Variants in ANKRD55 observed in about 807,000 individuals in gnomAD.
The protein encoded by ANKRD55 is ankyrin repeat domain 55, also known as ankyrin repeat domain-containing protein 55.
ANKRD55 carries 41 observed loss-of-function variants against 60.6 expected under a neutral mutation model. The ratio of observed to expected loss-of-function variants is 0.68; its 90% CI spans 0.53 to 0.88. The LOEUF (loss-of-function observed/expected upper bound fraction) is 0.88. Ranked by LOEUF, ANKRD55 falls within the 40% of genes least tolerant of loss-of-function variation. The pLI, the probability that ANKRD55 is intolerant of heterozygous loss-of-function variation, is 0.00. For missense variants in ANKRD55, 732 were observed against 767.6 expected, an observed-to-expected ratio of 0.95 and a Z score of 0.55; for synonymous variants, 264 against 290.3, an observed-to-expected ratio of 0.91 and a Z score of 0.92.
intron 8 of ANKRD55, among the ~76,000 whole-genome samples, chr5:56,121,655 G>A (rs2111705424): frequency 6.6e-6 from 1 of 151,996 alleles, no homozygotes; most frequent in South Asian, 2.1e-4. Flanking sequence ...ACAGGAGTGA[G>A]CCACCACACC....
intron 2 of ANKRD55, among the ~76,000 whole-genome samples, chr5:56,201,652 G>A (rs549890405): frequency 6.6e-6 from 1 of 152,272 alleles, no homozygotes; most frequent in East Asian, 1.9e-4. Context: ...GCTGTTCTGA[G>A]AGCTAAATGA....
intron 6 of ANKRD55, among the ~76,000 whole-genome samples, chr5:56,153,231 A>G (rs1758099262): frequency 6.6e-6 from 1 of 151,764 alleles, no homozygotes. Context: ...AAATCCAGCA[A>G]CAACTGGGAA....
chr5:56,147,638 C>A lies in ANKRD55; in HGVS notation c.484-3709G>T, dbSNP rs576029201. On this transcript the variant is annotated intron_variant, in intron 6 of 11. Transcript: ENST00000341048. ...TGGCTCCAAATCAAGACCCAAATTA[C>A]TTCATTACTTTTCTAAATACTTGTG... 4.6e-5 allele frequency among the ~76,000 whole-genome samples: 7 copies of A among 150,836 alleles called. 1 individual carries two copies. The South Asian group carries it at 1.4e-3, about 31-fold the overall frequency.
At chr5:56,209,744 C>T (rs1224901757) in intron 2 of ANKRD55, among the ~76,000 whole-genome samples, 3 of 152,236 alleles carry the variant, frequency 2.0e-5, no homozygotes, top group African/African-American at 4.8e-5. Context: ...GGATTACAGG[C>T]GTGAGCCACC....
chr5:56,108,881 C>T lies in ANKRD55; in HGVS notation c.1630+2237G>A, dbSNP rs189902790. ...GTGAAACCCCGTCTCCACTAAAAAT[C>T]CAAAAATTAGTCAGGCGTGGTGGCA... is the stretch of plus-strand genomic sequence containing the variant. On this transcript the variant is annotated intron_variant, in intron 10 of 11. Coordinates refer to ENST00000341048, the MANE Select transcript of ANKRD55 (RefSeq NM_024669.3). 2.4e-3 allele frequency among the ~76,000 whole-genome samples: 362 copies of T among 152,166 alleles called. 3 individuals carry two copies. Among genetic ancestry groups the T allele is most frequent in the African/African-American group, 8.1e-3 (337 of 41,520 alleles).
intron 6 of ANKRD55, among the ~76,000 whole-genome samples, chr5:56,152,303 G>A (rs1443607353): frequency 6.6e-6 from 1 of 151,508 alleles, no homozygotes; most frequent in Admixed American, 6.6e-5. Flanking sequence ...ATGTCCAAAA[G>A]GTCACATCTG....
chr5:56,191,686 G>A lies in ANKRD55; in HGVS notation c.59-8052C>T, dbSNP rs139031946. On this transcript the variant is annotated intron_variant, in intron 2 of 11. Coordinates refer to ENST00000341048, the MANE Select transcript of ANKRD55 (RefSeq NM_024669.3). The stretch of plus-strand genomic sequence containing the variant: ...TCTTGGCTAGATGACCACCAAACCT[G>A]TTTAGAAGGAATTTAGACATAAAGT... Among the ~76,000 whole-genome samples, 963 of 152,234 alleles carry A rather than the reference G, an allele frequency of 6.3e-3. 13 individuals carry two copies. The highest frequency in any genetic ancestry group is 0.041 in the Middle Eastern group (12 of 294).
chr5:56,185,775 T>G (rs1029513335), intron 2 of ANKRD55, among the ~76,000 whole-genome samples: 3 of 152,230 alleles, frequency 2.0e-5, no homozygotes, highest in African/African-American at 7.2e-5. Flanking sequence ...TTCGAATTGA[T>G]CTTTCGTTGG....
intron 7 of ANKRD55, chr5:56,127,632 G>C: frequency 1.1e-6 from 1 of 927,712 alleles, no homozygotes; most frequent in Non-Finnish European, 1.3e-6. Context: ...TTGTCCCAGG[G>C]AGCCTGGGAA....
chr5:56,108,894 A>G (rs986734484), intron 10 of ANKRD55, among the ~76,000 whole-genome samples: 7 of 152,128 alleles, frequency 4.6e-5, no homozygotes, highest in Admixed American at 4.6e-4. Context: ...AAAATTAGTC[A>G]GGCGTGGTGG....
At chr5:56,120,748 C>T (rs1468877405) in intron 8 of ANKRD55, among the ~76,000 whole-genome samples, 2 of 151,742 alleles carry the variant, frequency 1.3e-5, no homozygotes, top group South Asian at 2.1e-4. Flanking sequence ...AAATACAAAA[C>T]ATTAGCTGGG....
intron 6 of ANKRD55, among the ~76,000 whole-genome samples, chr5:56,151,916 C>T (rs561184871): frequency 9.4e-5 from 13 of 137,798 alleles, no homozygotes; most frequent in Admixed American, 7.4e-4. Flanking sequence ...TGTATATACA[C>T]ATATATGTAT....
chr5:56,153,416 C>T (rs1758104307), intron 6 of ANKRD55, among the ~76,000 whole-genome samples: 2 of 152,232 alleles, frequency 1.3e-5, no homozygotes, highest in Admixed American at 1.3e-4. Context: ...GAGGCTTGTA[C>T]AAGAAACACT....
chr5:56,107,714 ACTTC>A (rs754916176), intron 10 of ANKRD55, among the ~76,000 whole-genome samples: 3 of 151,908 alleles, frequency 2.0e-5, no homozygotes, highest in Non-Finnish European at 4.4e-5. Context: ...CCCCCTCTCT[ACTTC>A]CTTCCTCCTG....
At chr5:56,187,534 C>T (rs1052818571) in intron 2 of ANKRD55, among the ~76,000 whole-genome samples, 5 of 152,142 alleles carry the variant, frequency 3.3e-5, no homozygotes, top group African/African-American at 1.2e-4. Flanking sequence ...GCTGAGCTTT[C>T]GCTCACTGTC....
At chr5:56,155,082 A>G (rs1298473830) in intron 6 of ANKRD55, among the ~76,000 whole-genome samples, 1 of 152,044 alleles carries the variant, frequency 6.6e-6, no homozygotes, top group Non-Finnish European at 1.5e-5. Flanking sequence ...AAAACAAAAA[A>G]TGAGCTGGGT....
At chr5:56,175,411 T>C (rs898207372) in intron 4 of ANKRD55, among the ~76,000 whole-genome samples, 8 of 152,162 alleles carry the variant, frequency 5.3e-5, no homozygotes, top group African/African-American at 1.9e-4. Context: ...AGAAAAAGGA[T>C]GACCTCCATG....
intron 6 of ANKRD55, among the ~76,000 whole-genome samples, chr5:56,149,426 A>G (rs986213969): frequency 7.9e-5 from 12 of 152,236 alleles, no homozygotes; most frequent in Admixed American, 2.0e-4. Flanking sequence ...TCAGACAAGA[A>G]AAACAATAAA....
chr5:56,156,308 A>C (rs1446351910), intron 6 of ANKRD55, among the ~76,000 whole-genome samples: 2 of 152,206 alleles, frequency 1.3e-5, no homozygotes, highest in African/African-American at 2.4e-5. Context: ...GTGTAATAGC[A>C]GGAGGAATCT....
Sources: allele counts gnomAD v4.1 joint callset (sites outside exome capture counted in the v4.1 genomes callset), GRCh38; gene constraint gnomAD v4.1.1; transcripts MANE v1.5; gene names NCBI Gene and HGNC (gene_info 2026-07-23, HGNC 2026-07-21).